The following REN variants were observed in gnomAD, a reference collection of about 807,000 sequenced individuals.
REN encodes renin.
REN carries 42 observed loss-of-function variants against 48.6 expected under a neutral mutation model. The ratio of observed to expected loss-of-function variants is 0.86; its 90% confidence interval spans 0.68 to 1.12. The LOEUF is 1.12. Among genes scored for constraint, REN ranks in the 50% most tolerant of loss-of-function variants. The pLI is 0.00. For missense variants in REN, 443 were observed against 527.3 expected (o/e 0.84, Z 1.57); for synonymous variants, 196 against 204.6 (o/e 0.96, Z 0.36).
At chr1:204,163,595 C>G (rs1187177182) in intron 1 of REN, among the ~76,000 whole-genome samples, 1 of 152,040 alleles carries the variant, frequency 6.6e-6, no homozygotes, top group Non-Finnish European at 1.5e-5. Flanking sequence ...TTCCTTTTCC[C>G]CCCAGTTCTT....
intron 1 of REN, among the ~76,000 whole-genome samples, chr1:204,163,164 G>A (rs1334335954): frequency 6.6e-6 from 1 of 152,160 alleles, no homozygotes; most frequent in Non-Finnish European, 1.5e-5. Flanking sequence ...CTCTGCAATA[G>A]ACTTTCCCAT....
chr1:204,166,210 G>A lies in REN; in HGVS notation c.84C>T (p.Thr28=), dbSNP rs762529376. The A allele has an allele frequency of 3.1e-6, 5 of 1,613,936 alleles. No homozygotes were observed. The highest frequency in any genetic ancestry group is 4.2e-6 in the Non-Finnish European group (5 of 1,179,936). Residue 28 remains threonine, a synonymous_variant, in exon 1 of 10, where the codon ACC becomes ACT. Coordinates refer to ENST00000272190, the MANE Select transcript of REN (RefSeq NM_000537.4). ...TTACCAATTACCGTTTAAAGGTGGT[G>A]GTGTCTGTCGGGAGACCAAAGGTAC... ...GSCTFGLPTD[T]TTFKRIFLKR...
chr1:204,154,871 G>T lies in REN; in HGVS notation c.*145C>A. On this transcript the variant is annotated 3_prime_UTR_variant, in exon 10 of 10. Coordinates refer to ENST00000272190, the MANE Select transcript of REN (RefSeq NM_000537.4). Reference sequence around the variant, plus strand: ...GTCCTCAAAGCAGGGAAGGGCTGGTGCAGGGGTCAGGGCACGCATCCAGCA... The same window carrying T: ...GTCCTCAAAGCAGGGAAGGGCTGGTTCAGGGGTCAGGGCACGCATCCAGCA... The T allele has an allele frequency of 1.1e-6, 1 of 871,366 alleles. No homozygotes were observed. Among genetic ancestry groups the T allele is most frequent in the Non-Finnish European group, 1.8e-6 (1 of 541,804 alleles). The allele number at this position is 871,366 out of a possible 1,614,324, so 54.0% of individuals were successfully genotyped here. A position where few individuals can be genotyped will look rare whatever the true frequency, so the allele number is the denominator to read the frequency against.
chr1:204,165,221 T>C (rs1314579729), intron 1 of REN, among the ~76,000 whole-genome samples: 1 of 152,192 alleles, frequency 6.6e-6, no homozygotes, highest in Non-Finnish European at 1.5e-5. Flanking sequence ...TCTGCCCCCC[T>C]CGGCCTCCCA....
intron 3 of REN, 148 bp downstream of exon 3, chr1:204,161,144 C>A: frequency 1.1e-6 from 1 of 937,586 alleles, no homozygotes; most frequent in South Asian, 2.0e-5. Flanking sequence ...ACATCTTCCC[C>A]TCTCCCCTAC....
At chr1:204,159,202 C>T in intron 5 of REN, 197 bp downstream of exon 5, 1 of 665,234 alleles carries the variant, frequency 1.5e-6, no homozygotes, top group African/African-American at 1.8e-5. Context: ...CAGTTGAATG[C>T]TTAATTGATG....
chr1:204,162,921 C>A (rs1658274167), intron 1 of REN, among the ~76,000 whole-genome samples: 1 of 152,198 alleles, frequency 6.6e-6, no homozygotes, highest in Non-Finnish European at 1.5e-5. Flanking sequence ...CTCTACTGAG[C>A]CGCTACTGAA....
Position 204,162,108 on chromosome 1 carries a change from C to A in REN, c.154G>T (p.Asp52Tyr). 1 of 1,614,112 alleles carries A rather than the reference C, an allele frequency of 6.2e-7. No homozygotes were observed. Among genetic ancestry groups the A allele is most frequent in the Non-Finnish European group, 8.5e-7 (1 of 1,180,026 alleles). The change falls in exon 2 of 10, where the codon GAC becomes TAC. Residue 52 changes from aspartate to tyrosine, a missense_variant. By Grantham distance (160) the Asp-to-Tyr change is radical. Transcript: ENST00000272190. ...CACTCGGGACCAAGCCTGGCCATGT[C>A]CACACCTCGTTCCTTCAGGCTTTCT... ...IRESLKERGV[D>Y]MARLGPEWSQ...
At chr1:204,159,647 G>A (rs2102312903) in intron 4 of REN, 52 bp from the exon 5 acceptor site, 3 of 1,558,758 alleles carry the variant, frequency 1.9e-6, no homozygotes, top group Middle Eastern at 1.7e-4. Flanking sequence ...CTCCTTGGTT[G>A]GAGTCTGGTC....
intron 1 of REN, among the ~76,000 whole-genome samples, chr1:204,163,395 T>A (rs893283758): frequency 1.3e-5 from 2 of 152,244 alleles, no homozygotes; most frequent in African/African-American, 4.8e-5. Context: ...CAAAATATTT[T>A]CACAATCATT....
Position 204,155,797 on chromosome 1 carries a change from G to A in REN, c.1059+23C>T, listed in dbSNP as rs748815199. 3.4e-5 allele frequency: 53 copies of A among 1,577,340 alleles called. 2 individuals carry two copies. In the East Asian group the frequency reaches 6.9e-4, roughly 21 times the overall value. On this transcript the variant is annotated intron_variant, in intron 9 of 9. Transcript: ENST00000272190. ...CTGTCCAGCCTTTCTCCCTGCCACCGAGGGGGCCGACTCGAACCTCACCTG... is the reference window on the plus strand; with the variant it reads ...CTGTCCAGCCTTTCTCCCTGCCACCAAGGGGGCCGACTCGAACCTCACCTG...
chr1:204,159,686 C>T, intron 4 of REN, 91 bp from the exon 5 acceptor site: 2 of 1,077,026 alleles, frequency 1.9e-6, no homozygotes, highest in East Asian at 4.8e-5. Flanking sequence ...ATCCCAGGGG[C>T]ACACATGCTC....
Position 204,155,192 on chromosome 1 carries a change from G to A in REN, c.1060-15C>T. 3 of 1,613,986 alleles carry A rather than the reference G, an allele frequency of 1.9e-6. No homozygotes were observed. The highest frequency in any genetic ancestry group is 2.5e-6 in the Non-Finnish European group (3 of 1,179,892). ...CTGTAGGATTCCTGGCAGGAAGGGG[G>A]AGAGTTTCTCCATACCCAGCACATG... On this transcript the variant is annotated splice_polypyrimidine_tract_variant and intron_variant, in intron 9 of 9. Transcript: ENST00000272190.
chr1:204,159,641 T>C, intron 4 of REN, 46 bp from the exon 5 acceptor site: 1 of 1,572,144 alleles, frequency 6.4e-7, no homozygotes, highest in Non-Finnish European at 8.8e-7. Flanking sequence ...TGCCCACTCC[T>C]TGGTTGGAGT....
At chr1:204,160,508 G>C in intron 4 of REN, 52 bp downstream of exon 4, 1 of 1,232,676 alleles carries the variant, frequency 8.1e-7, no homozygotes, top group East Asian at 2.3e-5. Context: ...GTCAGGAGAG[G>C]CCTGGGGACA....
At position 204,160,554 on chromosome 1, in the gene REN, A is replaced by C. The variant is rs1422151114; in HGVS notation, c.492+6T>G. On this transcript the variant is annotated splice_donor_region_variant and intron_variant, in intron 4 of 9. Transcript: ENST00000272190. ...GGGGCAGATGACCTAGGGCGGCCCA[A>C]CTTACGGTGATGATGTCCTGGCTGA... The C allele has an allele frequency of 6.2e-7, 1 of 1,607,544 alleles. No individual in the cohort carries two copies. The highest frequency in any genetic ancestry group is 1.3e-5 in the African/African-American group (1 of 74,782).
chr1:204,162,085 C>T lies in REN; in HGVS notation c.177G>A (p.Glu59=). The T allele has an allele frequency of 6.2e-7, 1 of 1,614,110 alleles. No homozygotes were observed. Among genetic ancestry groups the T allele is most frequent in the East Asian group, 2.2e-5 (1 of 44,862 alleles). The stretch of plus-strand genomic sequence containing the variant: ...TCAGCCTCTTCATGGGTTGGCTCCA[C>T]TCGGGACCAAGCCTGGCCATGTCCA... ...RGVDMARLGP[E]WSQPMKRLTL... The change falls in exon 2 of 10, where the codon GAG becomes GAA. Residue 59 remains glutamate (E), a synonymous_variant. Transcript: ENST00000272190.
At chr1:204,159,362 G>A (rs573919483) in intron 5 of REN, 37 bp downstream of exon 5, 1 of 1,585,406 alleles carries the variant, frequency 6.3e-7, no homozygotes, top group East Asian at 2.2e-5. Flanking sequence ...CTCCCCTCCT[G>A]TCCCCCCACC....
intron 4 of REN, 52 bp downstream of exon 4, chr1:204,160,508 G>A: frequency 3.2e-6 from 4 of 1,232,676 alleles, no homozygotes; most frequent in Non-Finnish European, 4.8e-6. Context: ...GTCAGGAGAG[G>A]CCTGGGGACA....
Sources: allele counts gnomAD v4.1 joint callset (sites outside exome capture counted in the v4.1 genomes callset), GRCh38; gene constraint gnomAD v4.1.1; transcripts MANE v1.5; gene names NCBI Gene and HGNC (gene_info 2026-07-23, HGNC 2026-07-21).